The following LINC00632 variants were observed in gnomAD, a reference collection of about 807,000 sequenced individuals.
The protein encoded by LINC00632 is ALDOA related specific transcript.
At chrX:140,789,486 T>C (rs1932075178) in exon 5 of LINC00632, among the ~76,000 whole-genome samples, 1 of 111,693 alleles carries the variant, frequency 9.0e-6, no homozygotes, top group Non-Finnish European at 1.9e-5. Flanking sequence ...TTGTTGCTAA[T>C]ATAGATAATG....
At chrX:140,752,984 T>C (rs974788609) in intron 3 of LINC00632, among the ~76,000 whole-genome samples, 3 of 112,135 alleles carry the variant, frequency 2.7e-5, no homozygotes, top group African/African-American at 9.7e-5. Context: ...GTTATTTTAA[T>C]TATTTAACAT....
chrX:140,732,159 G>A (rs892259485), intron 2 of LINC00632, among the ~76,000 whole-genome samples: 1 of 110,948 alleles, frequency 9.0e-6, no homozygotes, highest in Non-Finnish European at 1.9e-5. Context: ...AGCCGAGATC[G>A]AGCCATTGCA....
At chrX:140,775,935 A>C (rs1931866006) in exon 5 of LINC00632, among the ~76,000 whole-genome samples, 1 of 111,281 alleles carries the variant, frequency 9.0e-6, no homozygotes, top group South Asian at 3.8e-4. Flanking sequence ...AAAGGAAAAA[A>C]AAAAGTTTAA....
chrX:140,783,062 T>A (rs188185572), exon 5 of LINC00632: 1 of 115,826 alleles, frequency 8.6e-6, no homozygotes, highest in African/African-American at 3.2e-5. Context: ...ATATTCAATA[T>A]CCCAATGTTC....
At chrX:140,787,861 A>G (rs897883281) in exon 5 of LINC00632, among the ~76,000 whole-genome samples, 1 of 109,416 alleles carries the variant, frequency 9.1e-6, no homozygotes, top group Admixed American at 1.0e-4. Flanking sequence ...GAAAATAACT[A>G]GAAGATACAC....
intron 3 of LINC00632, among the ~76,000 whole-genome samples, chrX:140,769,979 AG>A (rs773924248): frequency 8.9e-6 from 1 of 112,017 alleles, no homozygotes; most frequent in East Asian, 2.8e-4. Flanking sequence ...ATTAAAACAC[AG>A]GGAAACAGAT....
intron 3 of LINC00632, among the ~76,000 whole-genome samples, chrX:140,762,209 A>AAGAGAGAGAGAGAGAGAGAGAGAG (rs35880613): frequency 1.5e-5 from 1 of 67,133 alleles, no homozygotes; most frequent in African/African-American, 5.2e-5. Flanking sequence ...GTTTTTCGAA[A>AAGAGAGAGAGAGAGAGAGAGAGAG]AGAGAGAGAG....
intron 2 of LINC00632, among the ~76,000 whole-genome samples, chrX:140,719,289 TA>T (rs1308772233): frequency 9.0e-6 from 1 of 110,599 alleles, no homozygotes; most frequent in African/African-American, 3.3e-5. Flanking sequence ...CAATACCCGA[TA>T]AACAGTCACT....
At chrX:140,748,459 A>G (rs901393542) in intron 3 of LINC00632, among the ~76,000 whole-genome samples, 6 of 111,316 alleles carry the variant, frequency 5.4e-5, no homozygotes, top group South Asian at 3.8e-4. Flanking sequence ...TTGTCTTTCT[A>G]TTCACCCTCT....
intron 3 of LINC00632, among the ~76,000 whole-genome samples, chrX:140,760,262 G>A (rs749791018): frequency 1.8e-5 from 2 of 111,686 alleles, no homozygotes; most frequent in Non-Finnish European, 3.8e-5. Context: ...TGACTGCCAC[G>A]CCCATGAATA....
exon 5 of LINC00632, among the ~76,000 whole-genome samples, chrX:140,786,649 G>A (rs1010151879): frequency 1.8e-5 from 2 of 111,258 alleles, no homozygotes; most frequent in Non-Finnish European, 3.8e-5. Flanking sequence ...ATATAAAAAT[G>A]TACTTTTTGG....
chrX:140,758,087 A>G (rs942026119), intron 3 of LINC00632, among the ~76,000 whole-genome samples: 14 of 111,360 alleles, frequency 1.3e-4, no homozygotes, highest in South Asian at 7.6e-4. Flanking sequence ...CTAATTATTA[A>G]CCTGTAGACC....
chrX:140,785,189 T>TATA (rs1332562943), exon 5 of LINC00632, among the ~76,000 whole-genome samples: 1 of 91,088 alleles, frequency 1.1e-5, no homozygotes. Flanking sequence ...AATAATATAA[T>TATA]AATAATAATA....
chrX:140,758,704 T>G (rs2148395735), intron 3 of LINC00632, among the ~76,000 whole-genome samples: 1 of 111,755 alleles, frequency 8.9e-6, no homozygotes, highest in African/African-American at 3.2e-5. Context: ...TTATAGGTTT[T>G]TATCCCTTTG....
intron 3 of LINC00632, among the ~76,000 whole-genome samples, chrX:140,771,197 T>C (rs763682956): frequency 1.8e-5 from 2 of 110,859 alleles, no homozygotes; most frequent in African/African-American, 3.3e-5. Flanking sequence ...TATTATCTTA[T>C]TGGGGGAAAG....
rs762529164 is a variant in LINC00632 at position 140,785,806 on chromosome X, T to C, written n.13825T>C. Among the ~76,000 whole-genome samples, 7 of 112,275 alleles carry C rather than the reference T, an allele frequency of 6.2e-5. No individual in the cohort carries two copies. In the South Asian group the frequency reaches 2.6e-3, roughly 42 times the overall value. ...TGGTGCTTGGAATTTAACTCTTCTA[T>C]CTATTTGAATCCCCTTTTACTGACT... On this transcript the variant is annotated non_coding_transcript_exon_variant, in exon 5 of 5. Transcript: ENST00000648200.
intron 3 of LINC00632, among the ~76,000 whole-genome samples, chrX:140,747,899 CTCACTGCAACCTCCGCCT>C (rs1322251250): frequency 8.9e-6 from 1 of 111,896 alleles, no homozygotes; most frequent in African/African-American, 3.2e-5. Flanking sequence ...GTGATCTCGG[CTCACTGCAACCTCCGCCT>C]CCTGGGTTCA....
intron 2 of LINC00632, chrX:140,713,387 A>T (rs1244592374): frequency 3.7e-6 from 1 of 273,648 alleles, no homozygotes; most frequent in Non-Finnish European, 7.0e-6. Flanking sequence ...TGCTAGTTGC[A>T]TGACTGTGGG....
intron 3 of LINC00632, among the ~76,000 whole-genome samples, chrX:140,734,694 CTTAAAA>C (rs1931113744): frequency 1.9e-5 from 2 of 107,642 alleles, no homozygotes; most frequent in African/African-American, 6.8e-5. Context: ...ATCAGAAGAA[CTTAAAA>C]TATTACACAT....
Sources: allele counts gnomAD v4.1 joint callset (sites outside exome capture counted in the v4.1 genomes callset), GRCh38; gene constraint gnomAD v4.1.1; transcripts MANE v1.5; gene names NCBI Gene and HGNC (gene_info 2026-07-23, HGNC 2026-07-21).